Variants in NR2E1 observed in about 807,000 individuals in gnomAD.
NR2E1 encodes the protein nuclear receptor TLX.
In NR2E1, 5 loss-of-function variants were observed where a neutral mutation model predicts 43.6. The ratio of observed to expected loss-of-function variants is 0.11; its 90% CI spans 0.06 to 0.24. NR2E1 has a LOEUF of 0.24. NR2E1 is among the 10% of genes least tolerant of loss of function. The pLI is 1.00. For missense variants in NR2E1, 287 were observed against 496.7 expected, an observed-to-expected ratio of 0.58 and a Z score of 4.01; for synonymous variants, 191 against 195.5, an observed-to-expected ratio of 0.98 and a Z score of 0.19.
intron 8 of NR2E1, among the ~76,000 whole-genome samples, chr6:108,183,025 C>T (rs2114681651): frequency 6.6e-6 from 1 of 152,304 alleles, no homozygotes; most frequent in African/African-American, 2.4e-5. Context: ...TTTCACCTAT[C>T]ATAACTGTTG....
At chr6:108,186,088 T>G (rs1377278288) in intron 8 of NR2E1, among the ~76,000 whole-genome samples, 1 of 152,146 alleles carries the variant, frequency 6.6e-6, no homozygotes, top group African/African-American at 2.4e-5. Flanking sequence ...TGGGGATTAC[T>G]TTCCAAGAAA....
At position 108,166,803 on chromosome 6, in the gene NR2E1, C is replaced by T. The variant is rs376239695; in HGVS notation, c.25+13C>T. On this transcript the variant is annotated intron_variant, in intron 1 of 8. Coordinates refer to ENST00000368986, the MANE Select transcript of NR2E1 (RefSeq NM_003269.5). This position sits in a 1 kb window ranked among gnomAD's most constrained non-coding sequence, Gnocchi z 7.2. ...GCCGGATCAACAAGTGGGTACCTCT[C>T]GGGCCGCCGTGGGGCCTAGGCGCGC... 1.3e-6 allele frequency: 2 copies of T among 1,590,394 alleles called. No homozygotes were observed. The highest frequency in any genetic ancestry group is 1.7e-6 in the Non-Finnish European group (2 of 1,171,984).
chr6:108,187,239 A>T, intron 8 of NR2E1, 62 bp from the exon 9 acceptor site: 1 of 1,560,624 alleles, frequency 6.4e-7, no homozygotes, highest in Non-Finnish European at 8.8e-7. Context: ...GTTCAAGTGT[A>T]AGACGTTAGT....
chr6:108,174,877 G>A lies in NR2E1; in HGVS notation c.213G>A (p.Arg71=). The A allele has an allele frequency of 6.2e-7, 1 of 1,614,140 alleles. No homozygotes were observed. Among genetic ancestry groups the A allele is most frequent in the East Asian group, 2.2e-5 (1 of 44,866 alleles). The change falls in exon 3 of 9, where the codon AGG becomes AGA. Residue 71 remains arginine (R), a synonymous_variant. Transcript: ENST00000368986. ...ACAAGACGCACAGAAACCAGTGCAG[G>A]GCGTGTCGGCTGAAGAAGTGTTTGG... is the stretch of plus-strand genomic sequence containing the variant. The part of the protein sequence containing the change: ...PVDKTHRNQC[R]ACRLKKCLEV...
rs1774097773 is a variant in NR2E1 at position 108,187,707 on chromosome 6, A to G, written c.*244A>G. ...CCTGCACTGAAAACTCACTGCTGCC[A>G]TGCCCTGGGAGGGGGCAAACTGGGG... On this transcript the variant is annotated 3_prime_UTR_variant, in exon 9 of 9. Transcript: ENST00000368986. 1.6e-5 allele frequency: 8 copies of G among 487,990 alleles called. No homozygotes were observed. The highest frequency in any genetic ancestry group is 3.0e-5 in the Non-Finnish European group (8 of 266,256). The allele number at this position is 487,990 out of a possible 1,614,324, so 30.2% of individuals were successfully genotyped here. A position where few individuals can be genotyped will look rare whatever the true frequency, so the allele number is the denominator to read the frequency against.
intron 2 of NR2E1, among the ~76,000 whole-genome samples, chr6:108,172,849 T>C (rs996110880): frequency 1.3e-5 from 2 of 152,248 alleles, no homozygotes. Flanking sequence ...ACCTGTTTAA[T>C]TGGCTACTGT....
chr6:108,176,800 T>C, intron 4 of NR2E1, 62 bp downstream of exon 4: 1 of 1,451,288 alleles, frequency 6.9e-7, no homozygotes, highest in Non-Finnish European at 9.2e-7. Flanking sequence ...ACGCACCCAG[T>C]TCTTCTGAGC....
intron 1 of NR2E1, among the ~76,000 whole-genome samples, chr6:108,170,181 C>G (rs1024501195): frequency 6.6e-6 from 1 of 152,186 alleles, no homozygotes; most frequent in African/African-American, 2.4e-5. Flanking sequence ...AGTCCCCAAC[C>G]CAAGCGCTTT....
intron 8 of NR2E1, among the ~76,000 whole-genome samples, chr6:108,185,627 C>T (rs528205884): frequency 3.9e-5 from 6 of 152,074 alleles, no homozygotes; most frequent in African/African-American, 7.2e-5. Context: ...TGGGCTCAAG[C>T]GATGCTCTTG....
At chr6:108,184,212 A>G (rs1264436993) in intron 8 of NR2E1, among the ~76,000 whole-genome samples, 1 of 152,156 alleles carries the variant, frequency 6.6e-6, no homozygotes, top group Non-Finnish European at 1.5e-5. Flanking sequence ...CAAACAAAAA[A>G]ATTAAAAAGA....
intron 5 of NR2E1, chr6:108,179,331 T>C (rs1174704078): frequency 6.6e-6 from 1 of 152,200 alleles, no homozygotes; most frequent in East Asian, 1.9e-4. Context: ...TTTGGTCTAA[T>C]TGTGATTTTG....
At position 108,181,569 on chromosome 6, in the gene NR2E1, C is replaced by T; in HGVS notation, c.913C>T (p.Leu305=). ...AGTTCCTACACATAGTGGTTCTGAACTGAGAAGTTTCCGGAATGCTGCCGC... is the reference window on the plus strand; with the variant it reads ...AGTTCCTACACATAGTGGTTCTGAATTGAGAAGTTTCCGGAATGCTGCCGC... ...KAVPTHSGSE[L]RSFRNAAAIA... Residue 305 remains leucine (L), a synonymous_variant, in exon 8 of 9, where the codon CTG becomes TTG. Coordinates refer to ENST00000368986, the MANE Select transcript of NR2E1 (RefSeq NM_003269.5). 1 of 1,614,102 alleles carries T rather than the reference C, an allele frequency of 6.2e-7. No homozygotes were observed. The highest frequency in any genetic ancestry group is 8.5e-7 in the Non-Finnish European group (1 of 1,179,952).
intron 1 of NR2E1, among the ~76,000 whole-genome samples, chr6:108,168,589 C>A (rs113750618): frequency 1.2e-4 from 18 of 152,274 alleles, no homozygotes; most frequent in African/African-American, 4.3e-4. Flanking sequence ...AGCCTCCAGC[C>A]CCGGCTCAGG....
intron 7 of NR2E1, 99 bp downstream of exon 7, chr6:108,181,055 T>C: frequency 7.6e-7 from 1 of 1,307,624 alleles, no homozygotes; most frequent in Non-Finnish European, 1.1e-6. Context: ...CAAAAAGAGG[T>C]GATGGTTTTC....
At chr6:108,183,746 A>G (rs1293600813) in intron 8 of NR2E1, among the ~76,000 whole-genome samples, 1 of 152,238 alleles carries the variant, frequency 6.6e-6, no homozygotes, top group Non-Finnish European at 1.5e-5. Context: ...CACTGAAACT[A>G]TGTTGACAGA....
Position 108,178,223 on chromosome 6 carries a change from G to A in NR2E1, c.624G>A (p.Thr208=), listed in dbSNP as rs561977068. 499 of 1,614,010 alleles carry A rather than the reference G, an allele frequency of 3.1e-4. 9 individuals are homozygous for A. In the South Asian group the frequency reaches 4.9e-3, roughly 16 times the overall value. The part of the protein sequence containing the change: ...KWAKSVPAFS[T]LSLQDQLMLL... Reference sequence around the variant, plus strand: ...CTAAGAGTGTGCCAGCCTTCTCCACGCTGTCTTTGCAAGACCAGGTATGAC... The same window carrying A: ...CTAAGAGTGTGCCAGCCTTCTCCACACTGTCTTTGCAAGACCAGGTATGAC... The change falls in exon 5 of 9, where the codon ACG becomes ACA. Residue 208 remains threonine (T), a synonymous_variant. Coordinates refer to ENST00000368986, the MANE Select transcript of NR2E1 (RefSeq NM_003269.5).
At chr6:108,176,280 G>C (rs1773895807) in intron 3 of NR2E1, 2 of 591,756 alleles carry the variant, frequency 3.4e-6, no homozygotes, top group Admixed American at 3.0e-5. Context: ...CTTTGAGCAC[G>C]GGCCCCTCTT....
At chr6:108,179,813 G>A (rs776244484) in intron 5 of NR2E1, among the ~76,000 whole-genome samples, 2 of 152,064 alleles carry the variant, frequency 1.3e-5, no homozygotes, top group African/African-American at 2.4e-5. Flanking sequence ...AGCAAAACCC[G>A]ATTAACATAA....
Position 108,187,635 on chromosome 6 carries a change from C to A in NR2E1, c.*172C>A. ...ATTCCAGTAGCTATGACCTGCCGCC[C>A]TGACCAGGATAGGGCGGGTGGGAAG... On this transcript the variant is annotated 3_prime_UTR_variant, in exon 9 of 9. Transcript: ENST00000368986. 2.8e-6 allele frequency: 2 copies of A among 710,762 alleles called. No individual in the cohort carries two copies. Among genetic ancestry groups the A allele is most frequent in the Non-Finnish European group, 4.9e-6 (2 of 409,308 alleles). The allele number at this position is 710,762 out of a possible 1,614,324, so 44.0% of individuals were successfully genotyped here. A position where few individuals can be genotyped will look rare whatever the true frequency, so the allele number is the denominator to read the frequency against.
Sources: allele counts gnomAD v4.1 joint callset (sites outside exome capture counted in the v4.1 genomes callset), GRCh38; gene constraint gnomAD v4.1.1; non-coding constraint Gnocchi (gnomAD v3.1); transcripts MANE v1.5; gene names NCBI Gene and HGNC (gene_info 2026-07-23, HGNC 2026-07-21).